TTC28: variants seen among roughly 807,000 people sequenced by gnomAD.
The protein encoded by TTC28 is tetratricopeptide repeat domain 28.
In TTC28, 61 loss-of-function variants were observed where a neutral mutation model predicts 198.0. That is an observed-to-expected ratio of 0.31 (90% CI 0.25 to 0.38). The LOEUF is 0.38. Among genes scored for constraint, TTC28 ranks in the 10% least tolerant of loss-of-function variants. The pLI is 1.00. For synonymous variants in TTC28, 1,171 were observed against 1,297.8 expected (o/e 0.90, Z 2.10); for missense variants, 2,678 against 3,164.0 (o/e 0.85, Z 3.69).
intron 2 of TTC28, among the ~76,000 whole-genome samples, chr22:28,479,578 T>C (rs1214047306): frequency 1.3e-5 from 2 of 152,198 alleles, no homozygotes; most frequent in Admixed American, 1.3e-4. Context: ...ATTCCTCTAT[T>C]TGGAATGAAA....
chr22:28,258,595 C>T (rs1260658446), intron 5 of TTC28, among the ~76,000 whole-genome samples: 1 of 151,762 alleles, frequency 6.6e-6, no homozygotes, highest in East Asian at 1.9e-4. Flanking sequence ...TTATCTGAAC[C>T]CCAGAGCATA....
chr22:28,171,313 G>C (rs1922652081), intron 5 of TTC28, among the ~76,000 whole-genome samples: 1 of 152,074 alleles, frequency 6.6e-6, no homozygotes, highest in Non-Finnish European at 1.5e-5. Flanking sequence ...CTTTCTTCAT[G>C]AAGTTCCCTC....
At chr22:28,133,045 A>C (rs1166523532) in intron 6 of TTC28, among the ~76,000 whole-genome samples, 1 of 152,222 alleles carries the variant, frequency 6.6e-6, no homozygotes, top group Non-Finnish European at 1.5e-5. Flanking sequence ...CAACATGGTG[A>C]AACCCCGTCT....
intron 2 of TTC28, among the ~76,000 whole-genome samples, chr22:28,568,825 T>C (rs1414694858): frequency 6.6e-6 from 1 of 152,158 alleles, no homozygotes; most frequent in Non-Finnish European, 1.5e-5. Flanking sequence ...TCAATACCTT[T>C]TTCACAGAAT....
intron 2 of TTC28, among the ~76,000 whole-genome samples, chr22:28,349,909 C>T (rs565725820): frequency 1.3e-5 from 2 of 152,232 alleles, no homozygotes; most frequent in East Asian, 3.9e-4. Flanking sequence ...ACCCCGAGTG[C>T]CCAACACTTC....
intron 2 of TTC28, among the ~76,000 whole-genome samples, chr22:28,537,484 T>C (rs1431351391): frequency 1.3e-5 from 2 of 151,608 alleles, no homozygotes; most frequent in Non-Finnish European, 2.9e-5. Context: ...AGATAGATCC[T>C]CTCATAACAA....
intron 2 of TTC28, among the ~76,000 whole-genome samples, chr22:28,628,435 C>T (rs1233798697): frequency 2.0e-5 from 3 of 151,992 alleles, no homozygotes; most frequent in Non-Finnish European, 2.9e-5. Context: ...CACATAGTAA[C>T]CCTTTTTGTG....
chr22:28,124,171 G>T (rs1229369360), intron 6 of TTC28, among the ~76,000 whole-genome samples: 1 of 123,572 alleles, frequency 8.1e-6, no homozygotes, highest in African/African-American at 3.0e-5. Flanking sequence ...ATCTCTCTTT[G>T]TTGTTGTTGT....
intron 2 of TTC28, among the ~76,000 whole-genome samples, chr22:28,539,671 G>A (rs1379459347): frequency 6.6e-6 from 1 of 151,670 alleles, no homozygotes; most frequent in Non-Finnish European, 1.5e-5. Flanking sequence ...AGAGAAAGAG[G>A]AGATGGAAAG....
At chr22:28,576,832 CT>C (rs2050159245) in intron 2 of TTC28, among the ~76,000 whole-genome samples, 1 of 151,918 alleles carries the variant, frequency 6.6e-6, no homozygotes, top group South Asian at 2.1e-4. Flanking sequence ...GTAATGTCTC[CT>C]TTTTCATCTC....
chr22:28,507,638 A>C (rs1828502502), intron 2 of TTC28, among the ~76,000 whole-genome samples: 3 of 152,200 alleles, frequency 2.0e-5, no homozygotes, highest in Non-Finnish European at 1.5e-5. Flanking sequence ...GAAAGAAAAA[A>C]TGTTAAGGGC....
chr22:28,285,440 T>C (rs937528993), intron 5 of TTC28, among the ~76,000 whole-genome samples: 2 of 152,156 alleles, frequency 1.3e-5, no homozygotes, highest in African/African-American at 2.4e-5. Context: ...GGTCAAATAG[T>C]ACAAACCTTC....
chr22:28,510,351 A>G (rs1328918379), intron 2 of TTC28, among the ~76,000 whole-genome samples: 1 of 152,172 alleles, frequency 6.6e-6, no homozygotes, highest in African/African-American at 2.4e-5. Context: ...CTGGGATGCA[A>G]GGTTGGTTCA....
Position 28,508,445 on chromosome 22 carries a change from G to A in TTC28, c.381+121107C>T, listed in dbSNP as rs906512230. ...ATTACAGGCACCTGCCAAGATGCCC[G>A]GCTAATTTTTTGTATTTTTAGTAGA... On this transcript the variant is annotated intron_variant, in intron 2 of 22. Transcript: ENST00000397906. Among the ~76,000 whole-genome samples the A allele has an allele frequency of 1.8e-4, 28 of 152,094 alleles. No homozygotes were observed. The East Asian group carries it at 3.5e-3, about 19-fold the overall frequency.
chr22:28,066,109 C>A (rs1940735436), intron 12 of TTC28, among the ~76,000 whole-genome samples: 1 of 152,066 alleles, frequency 6.6e-6, no homozygotes, highest in Non-Finnish European at 1.5e-5. Context: ...TTTATTAAGA[C>A]AGAGATATCT....
At chr22:28,483,751 A>G (rs547226108) in intron 2 of TTC28, among the ~76,000 whole-genome samples, 2 of 152,316 alleles carry the variant, frequency 1.3e-5, no homozygotes, top group Admixed American at 1.3e-4. Flanking sequence ...TCAATTTCCC[A>G]AAAGAACGTA....
chr22:28,042,981 C>T (rs1263233573), intron 12 of TTC28, among the ~76,000 whole-genome samples: 1 of 152,058 alleles, frequency 6.6e-6, no homozygotes, highest in East Asian at 1.9e-4. Flanking sequence ...CACGGTGGCT[C>T]ATGCCTGTAA....
At chr22:28,396,759 T>C (rs2046825246) in intron 2 of TTC28, among the ~76,000 whole-genome samples, 1 of 152,184 alleles carries the variant, frequency 6.6e-6, no homozygotes. Flanking sequence ...GACACTATAA[T>C]AATAAAACCA....
chr22:28,238,540 C>A (rs181377094), intron 5 of TTC28, among the ~76,000 whole-genome samples: 105 of 152,174 alleles, frequency 6.9e-4, no homozygotes, highest in Middle Eastern at 3.4e-3. Context: ...TCATCTGTGT[C>A]ATTTACTTGC....
Sources: allele counts gnomAD v4.1 joint callset (sites outside exome capture counted in the v4.1 genomes callset), GRCh38; gene constraint gnomAD v4.1.1; transcripts MANE v1.5; gene names NCBI Gene and HGNC (gene_info 2026-07-23, HGNC 2026-07-21).